THRB: variants seen among roughly 807,000 people sequenced by gnomAD.
THRB encodes thyroid hormone receptor beta.
THRB carries 12 observed loss-of-function variants against 47.8 expected under a neutral mutation model. The observed-to-expected ratio is 0.25, with a 90% CI of 0.16 to 0.41. The LOEUF (loss-of-function observed/expected upper bound fraction) is 0.41, where lower values mean the gene tolerates loss of function less well. THRB is among the 10% of genes least tolerant of loss of function. The pLI, the probability that THRB is intolerant of heterozygous loss-of-function variation, is 1.00. For missense variants in THRB, 348 were observed against 589.2 expected (o/e 0.59, Z 4.24); for synonymous variants, 218 against 212.2 (o/e 1.03, Z -0.24).
chr3:24,414,229 T>C (rs1250849949), intron 1 of THRB, among the ~76,000 whole-genome samples: 1 of 151,852 alleles, frequency 6.6e-6, no homozygotes, highest in Non-Finnish European at 1.5e-5. Context: ...GAAAAGTCTG[T>C]TTGCAAGAAC....
intron 5 of THRB, among the ~76,000 whole-genome samples, chr3:24,160,417 G>T (rs546815759): frequency 2.9e-4 from 44 of 152,260 alleles, no homozygotes; most frequent in Middle Eastern, 3.4e-3. Flanking sequence ...AAGCAAGAGA[G>T]GGTGAACCTG....
At chr3:24,206,550 G>T (rs553843893) in intron 4 of THRB, among the ~76,000 whole-genome samples, 1 of 152,198 alleles carries the variant, frequency 6.6e-6, no homozygotes, top group East Asian at 1.9e-4. Flanking sequence ...GAGAAAGCAG[G>T]AAAGATCTAA....
intron 1 of THRB, among the ~76,000 whole-genome samples, chr3:24,408,023 A>G (rs1246574987): frequency 1.3e-5 from 2 of 151,910 alleles, no homozygotes; most frequent in African/African-American, 2.4e-5. Flanking sequence ...CCATCTTTTA[A>G]AAAGTACAGC....
intron 3 of THRB, among the ~76,000 whole-genome samples, chr3:24,294,944 G>T (rs964890428): frequency 5.9e-5 from 9 of 152,218 alleles, no homozygotes; most frequent in Non-Finnish European, 1.0e-4. Context: ...AAACAGGATA[G>T]AGATGTCTTC....
chr3:24,449,090 G>A (rs551692086), intron 1 of THRB, among the ~76,000 whole-genome samples: 1 of 152,320 alleles, frequency 6.6e-6, no homozygotes, highest in East Asian at 1.9e-4. Context: ...GCTAGTTAGA[G>A]GGTGATTTAA....
rs1449875 is a variant in THRB, at chr3:24,264,094, A to T, written c.-43+33132T>A. On this transcript the variant is annotated intron_variant, in intron 3 of 10. Transcript: ENST00000646209. ...CCTGCAATGCTTTCCTGTCACACTC[A>T]GGGTAAAAACCAAGTTCCCCATTCC... Among the ~76,000 whole-genome samples the T allele has an allele frequency of 9.1e-3, 1,383 of 152,300 alleles. 19 individuals are homozygous for T. Among genetic ancestry groups the T allele is most frequent in the African/African-American group, 0.03 (1,228 of 41,576 alleles).
intron 3 of THRB, among the ~76,000 whole-genome samples, chr3:24,275,563 T>A (rs1476507205): frequency 6.6e-6 from 1 of 152,248 alleles, no homozygotes; most frequent in Non-Finnish European, 1.5e-5. Flanking sequence ...GAGCCATGTT[T>A]TGCCACCATC....
intron 2 of THRB, among the ~76,000 whole-genome samples, chr3:24,299,128 G>T (rs1576648652): frequency 6.6e-6 from 1 of 151,456 alleles, no homozygotes; most frequent in Admixed American, 6.6e-5. Flanking sequence ...GGCGCCTGTA[G>T]TCCCAGCTAC....
chr3:24,126,732 G>A (rs1011828506), intron 10 of THRB, among the ~76,000 whole-genome samples: 14 of 152,230 alleles, frequency 9.2e-5, no homozygotes, highest in Non-Finnish European at 7.3e-5. Flanking sequence ...GATGTGTAGT[G>A]GCTTACAGAC....
intron 5 of THRB, among the ~76,000 whole-genome samples, chr3:24,171,929 C>T (rs1002692648): frequency 6.6e-6 from 1 of 151,966 alleles, no homozygotes; most frequent in Non-Finnish European, 1.5e-5. Flanking sequence ...GATGGTGTTC[C>T]CTAAGTGGTC....
intron 1 of THRB, among the ~76,000 whole-genome samples, chr3:24,407,296 C>G (rs2067903778): frequency 6.6e-6 from 1 of 151,712 alleles, no homozygotes; most frequent in African/African-American, 2.4e-5. Flanking sequence ...GCAATTGCTG[C>G]TGATCCTGGG....
At position 24,233,516 on chromosome 3, in the gene THRB, GGGAA is replaced by G. The variant is rs71057658; in HGVS notation, c.-42-4519_-42-4516del. ...AAAGAAAGGAAGAAAGAAAGAAGGAGGGAAGGAAGGAAGGAAAAGAAAGAAAGAG... is the reference window on the plus strand; with the variant it reads ...AAAGAAAGGAAGAAAGAAAGAAGGAGGGAAGGAAGGAAAAGAAAGAAAGAG... On this transcript the variant is annotated intron_variant, in intron 3 of 10. Coordinates refer to ENST00000646209, the MANE Select transcript of THRB (RefSeq NM_001354712.2). Among the ~76,000 whole-genome samples the G allele has an allele frequency of 2.3e-3, 247 of 108,210 alleles. 1 individual carries two copies. The highest frequency in any genetic ancestry group is 8.0e-3 in the African/African-American group (241 of 29,958). 71.0% of individuals were successfully genotyped at this position (108,210 alleles called of 152,430 possible).
chr3:24,267,338 T>C (rs2052762688), intron 3 of THRB, among the ~76,000 whole-genome samples: 1 of 151,088 alleles, frequency 6.6e-6, no homozygotes, highest in Non-Finnish European at 1.5e-5. Flanking sequence ...ATAGAAAATG[T>C]ATGTAAAGGT....
intron 1 of THRB, among the ~76,000 whole-genome samples, chr3:24,487,995 T>C (rs1045914555): frequency 6.6e-6 from 1 of 152,190 alleles, no homozygotes; most frequent in Non-Finnish European, 1.5e-5. Context: ...AGGAACAACA[T>C]GTCACAAGAG....
chr3:24,243,730 CT>C lies in THRB; in HGVS notation c.-42-14730del, dbSNP rs2049823569. Reference sequence around the variant, plus strand: ...TGTGCTTTGCTGCTGCTGTTGTTGACTGTTTTTTCTCCCTCTGCTAGGAAGT... The same window carrying C: ...TGTGCTTTGCTGCTGCTGTTGTTGACGTTTTTTCTCCCTCTGCTAGGAAGT... On this transcript the variant is annotated intron_variant, in intron 3 of 10. Coordinates refer to ENST00000646209, the MANE Select transcript of THRB (RefSeq NM_001354712.2). 2.0e-5 allele frequency among the ~76,000 whole-genome samples: 3 copies of C among 152,184 alleles called. No individual in the cohort carries two copies. In the South Asian group the frequency reaches 6.2e-4, roughly 32 times the overall value.
At chr3:24,428,684 G>A (rs1200215522) in intron 1 of THRB, among the ~76,000 whole-genome samples, 1 of 151,312 alleles carries the variant, frequency 6.6e-6, no homozygotes, top group East Asian at 1.9e-4. Context: ...TATGTTCGAG[G>A]CAAGAAGAAC....
At chr3:24,135,836 TATATATATATA>T (rs1559422246) in intron 8 of THRB, among the ~76,000 whole-genome samples, 3 of 118,764 alleles carry the variant, frequency 2.5e-5, no homozygotes, top group East Asian at 6.5e-4. Flanking sequence ...TATATATATA[TATATATATATA>T]ATACATAAAT....
intron 5 of THRB, among the ~76,000 whole-genome samples, chr3:24,187,025 G>T (rs1165566302): frequency 1.5e-5 from 2 of 136,392 alleles, no homozygotes; most frequent in Admixed American, 7.2e-5. Context: ...AAACCCTAAA[G>T]AAACAATATT....
chr3:24,227,114 T>C (rs2150067481), intron 4 of THRB, among the ~76,000 whole-genome samples: 1 of 152,276 alleles, frequency 6.6e-6, no homozygotes, highest in African/African-American at 2.4e-5. Context: ...GGTATGTTCT[T>C]TGAGTCCAGA....
Sources: gnomAD v4.1 joint callset for allele counts (sites outside exome capture counted in the v4.1 genomes callset) on GRCh38, gnomAD v4.1.1 for gene constraint, MANE v1.5 for transcripts, NCBI Gene and HGNC (gene_info 2026-07-23, HGNC 2026-07-21) for gene names.